NAA11: variants seen among roughly 807,000 people sequenced by gnomAD.
NAA11 encodes N-alpha-acetyltransferase 11, NatA catalytic subunit, also known as N-alpha-acetyltransferase 11.
NAA11 carries 15 observed loss-of-function variants against 16.1 expected under a neutral mutation model. The observed-to-expected ratio is 0.93, with a 90% CI of 0.62 to 1.44. The LOEUF is 1.44. NAA11 is among the 40% of genes most tolerant of loss of function. NAA11 has a pLI of 0.00. For synonymous variants in NAA11, 122 were observed against 112.4 expected, an observed-to-expected ratio of 1.09 and a Z score of -0.54; for missense variants, 298 against 291.3, an observed-to-expected ratio of 1.02 and a Z score of -0.17.
At chr4:79,166,296 A>T in the NAA11 span, among the ~76,000 whole-genome samples, 1 of 152,096 alleles carries the variant, frequency 6.6e-6, no homozygotes, top group Non-Finnish European at 1.5e-5. Flanking sequence ...AGAATACAGA[A>T]TGGGAAATAG....
intron 2 of NAA11, among the ~76,000 whole-genome samples, chr4:79,256,669 T>TATATATATATATATATATATA (rs1560427608): frequency 1.4e-5 from 2 of 146,866 alleles, no homozygotes; most frequent in African/African-American, 5.0e-5. Flanking sequence ...TATATATATA[T>TATATATATATATATATATATA]TGACACGAGG....
At chr4:79,250,998 G>A (rs1047067001) in intron 2 of NAA11, among the ~76,000 whole-genome samples, 8 of 152,190 alleles carry the variant, frequency 5.3e-5, no homozygotes, top group African/African-American at 1.9e-4. Context: ...CAGAGAAAAA[G>A]AAACACTTAT....
chr4:79,158,808 C>T, the NAA11 span, among the ~76,000 whole-genome samples: 2 of 150,916 alleles, frequency 1.3e-5, no homozygotes, highest in African/African-American at 4.9e-5. Context: ...AAAATAAGCC[C>T]AAATACTTAG....
intron 1 of NAA11, among the ~76,000 whole-genome samples, chr4:79,301,688 C>A (rs886771859): frequency 7.9e-5 from 12 of 152,098 alleles, no homozygotes; most frequent in African/African-American, 2.9e-4. Flanking sequence ...CAGAAGAGCT[C>A]CAGCATGGGG....
the NAA11 span, among the ~76,000 whole-genome samples, chr4:79,158,623 T>A: frequency 6.7e-6 from 1 of 149,912 alleles, no homozygotes; most frequent in Non-Finnish European, 1.5e-5. Context: ...AAAATTCATA[T>A]GGAACCAAAA....
At chr4:79,296,425 G>GA (rs1484336221) in intron 1 of NAA11, among the ~76,000 whole-genome samples, 2 of 152,144 alleles carry the variant, frequency 1.3e-5, no homozygotes, top group Non-Finnish European at 2.9e-5. Context: ...CCAGTGCCTA[G>GA]AACTTATTAG....
At chr4:79,169,849 T>C in the NAA11 span, among the ~76,000 whole-genome samples, 1 of 152,186 alleles carries the variant, frequency 6.6e-6, no homozygotes, top group African/African-American at 2.4e-5. Context: ...ACCTTCAACA[T>C]TGGAGATGAC....
the NAA11 span, among the ~76,000 whole-genome samples, chr4:79,210,201 G>A: frequency 3.3e-5 from 5 of 152,122 alleles, no homozygotes; most frequent in Non-Finnish European, 7.3e-5. Context: ...ATTGGAGCTA[G>A]TTTTACAGGT....
chr4:79,211,227 A>G, the NAA11 span, among the ~76,000 whole-genome samples: 1 of 152,278 alleles, frequency 6.6e-6, no homozygotes, highest in East Asian at 1.9e-4. Context: ...AAAACGCTAG[A>G]TATTTTCTTA....
At chr4:79,272,066 C>T (rs1037929121) in intron 2 of NAA11, among the ~76,000 whole-genome samples, 1 of 151,682 alleles carries the variant, frequency 6.6e-6, no homozygotes, top group Non-Finnish European at 1.5e-5. Context: ...TACACACATA[C>T]ATATACAACA....
At chr4:79,298,284 C>T (rs1229393123) in intron 1 of NAA11, among the ~76,000 whole-genome samples, 3 of 152,174 alleles carry the variant, frequency 2.0e-5, no homozygotes, top group African/African-American at 7.2e-5. Context: ...GACAAGAAGT[C>T]GGGACCCACT....
At chr4:79,211,886 G>A in the NAA11 span, 1 of 152,190 alleles carries the variant, frequency 6.6e-6, no homozygotes, top group African/African-American at 2.4e-5. Flanking sequence ...CTTCCCCAAA[G>A]TTGTGAGTTT....
At chr4:79,181,819 C>G in the NAA11 span, among the ~76,000 whole-genome samples, 1 of 152,164 alleles carries the variant, frequency 6.6e-6, no homozygotes, top group Admixed American at 6.5e-5. Context: ...GTGGCCACTT[C>G]CATCTGTGGA....
chr4:79,303,167 C>G (rs549814493), intron 1 of NAA11, among the ~76,000 whole-genome samples: 1 of 137,394 alleles, frequency 7.3e-6, no homozygotes, highest in East Asian at 2.1e-4. Context: ...AAAAGCAGTC[C>G]TAACTGGGAA....
chr4:79,193,661 A>C, the NAA11 span, among the ~76,000 whole-genome samples: 10,842 of 152,146 alleles, frequency 0.071, 1,150 homozygotes, highest in African/African-American at 0.23. Flanking sequence ...AGGTAGTGTG[A>C]TGCCTCCAGC....
At chr4:79,241,961 A>G (rs1250236460) in intron 2 of NAA11, among the ~76,000 whole-genome samples, 2 of 152,204 alleles carry the variant, frequency 1.3e-5, no homozygotes, top group Admixed American at 1.3e-4. Context: ...AGTTGGCATG[A>G]TGTTAAACAT....
At chr4:79,167,704 G>A in the NAA11 span, among the ~76,000 whole-genome samples, 4 of 152,076 alleles carry the variant, frequency 2.6e-5, no homozygotes, top group South Asian at 4.2e-4. Context: ...GATTCCACAG[G>A]CTGTACAGGA....
chr4:79,248,717 G>C (rs1247887335), intron 2 of NAA11, among the ~76,000 whole-genome samples: 2 of 152,104 alleles, frequency 1.3e-5, no homozygotes, highest in East Asian at 3.9e-4. Context: ...ACACCTACTA[G>C]TTCCCCACCC....
At chr4:79,161,217 G>A in the NAA11 span, among the ~76,000 whole-genome samples, 1,681 of 151,966 alleles carry the variant, frequency 0.011, 36 homozygotes, top group African/African-American at 0.039. Context: ...TCCCTGTTGC[G>A]CAGGCTGGAG....
Sources: gnomAD v4.1 joint callset for allele counts (sites outside exome capture counted in the v4.1 genomes callset) on GRCh38, gnomAD v4.1.1 for gene constraint, MANE v1.5 for transcripts, NCBI Gene and HGNC (gene_info 2026-07-23, HGNC 2026-07-21) for gene names.